Variants in CRELD2 observed in about 807,000 individuals in gnomAD.
CRELD2 encodes CRELD disulfide isomerase 2, also known as protein disulfide isomerase CRELD2.
Under a neutral mutation model 48.1 loss-of-function variants are expected in CRELD2, and 33 were observed. The observed-to-expected ratio is 0.69, with a 90% CI of 0.52 to 0.92. The LOEUF (loss-of-function observed/expected upper bound fraction) is 0.92, where lower values mean the gene tolerates loss of function less well. Ranked by LOEUF, CRELD2 falls within the 40% of genes least tolerant of loss-of-function variation. The pLI is 0.00. For synonymous variants in CRELD2, 220 were observed against 203.9 expected (o/e 1.08, Z -0.67); for missense variants, 477 against 482.4 (o/e 0.99, Z 0.10).
At chr22:49,922,909 A>AGG (rs2060714869) in intron 6 of CRELD2, among the ~76,000 whole-genome samples, 3 of 20,362 alleles carry the variant, frequency 1.5e-4, no homozygotes, top group African/African-American at 4.4e-4. Context: ...GTGGGGCGTG[A>AGG]GGTGTGGGGG....
At chr22:49,923,652 C>T (rs557778955) in intron 7 of CRELD2, 7 of 445,632 alleles carry the variant, frequency 1.6e-5, no homozygotes, top group South Asian at 6.4e-5. Context: ...TTGTTGCGAA[C>T]GTCTCTGCGT....
intron 9 of CRELD2, chr22:49,925,790 G>A: frequency 1.5e-6 from 2 of 1,350,366 alleles, no homozygotes; most frequent in East Asian, 2.8e-5. Flanking sequence ...TTCAGGCGAT[G>A]AAGGGGGAAG....
At chr22:49,921,564 A>C in intron 4 of CRELD2, 21 bp from the exon 5 acceptor site, 1 of 1,607,946 alleles carries the variant, frequency 6.2e-7, no homozygotes, top group Non-Finnish European at 8.5e-7. Flanking sequence ...TGCTCTGAGC[A>C]TGGTTTTGTG....
At chr22:49,925,677 G>A (rs746434579) in intron 9 of CRELD2, 120 bp downstream of exon 9, 23 of 1,536,080 alleles carry the variant, frequency 1.5e-5, no homozygotes, top group Non-Finnish European at 1.9e-5. Context: ...GTGAGAGGGG[G>A]ATTCCCGGAA....
At chr22:49,925,106 G>A (rs894104367) in intron 8 of CRELD2, 3 of 203,048 alleles carry the variant, frequency 1.5e-5, no homozygotes, top group Non-Finnish European at 3.0e-5. Flanking sequence ...ACTCCAGCCT[G>A]GGCGACAGAG....
At position 49,922,299 on chromosome 22, in the gene CRELD2, A is replaced by G. The variant is rs770722358; in HGVS notation, c.593-313A>G. The G allele has an allele frequency of 4.9e-6, 6 of 1,221,074 alleles. No individual in the cohort carries two copies. In the African/African-American group the frequency reaches 1.5e-4, roughly 31 times the overall value. The allele number at this position is 1,221,074 out of a possible 1,614,324, so 75.6% of individuals were successfully genotyped here. A position where few individuals can be genotyped will look rare whatever the true frequency, so the allele number is the denominator to read the frequency against. ...CCGATTCTTACGCCCCTCAGCAGTC[A>G]GGACCGGCCTCTCCGATTCTTACCC... On this transcript the variant is annotated intron_variant, in intron 5 of 9. Coordinates refer to ENST00000328268, the MANE Select transcript of CRELD2 (RefSeq NM_024324.5).
chr22:49,926,477 A>T (rs1334750107), intron 9 of CRELD2: 1 of 152,310 alleles, frequency 6.6e-6, no homozygotes, highest in Non-Finnish European at 1.5e-5. Flanking sequence ...TTCCACATCT[A>T]GAAGCATCGT....
At chr22:49,921,847 G>A in intron 5 of CRELD2, 86 bp downstream of exon 5, 1 of 1,385,654 alleles carries the variant, frequency 7.2e-7, no homozygotes, top group East Asian at 2.3e-5. Flanking sequence ...ATGGGAACAG[G>A]GGCCTGTTGA....
chr22:49,919,396 G>A (rs2060653115), intron 2 of CRELD2, 84 bp downstream of exon 2: 2 of 1,261,362 alleles, frequency 1.6e-6, no homozygotes, highest in Admixed American at 3.6e-5. Context: ...CTGTGTTAAT[G>A]ACAGGGAGAC....
chr22:49,921,736 G>C lies in CRELD2; in HGVS notation c.567G>C (p.Arg189=), dbSNP rs1172592448. 6.2e-7 allele frequency: 1 copy of C among 1,612,334 alleles called. No homozygotes were observed. Among genetic ancestry groups the C allele is most frequent in the East Asian group, 2.2e-5 (1 of 44,862 alleles). ...TGGACGGCTACTTCAGCTCGCTCCG[G>C]AACGAGACCCACAGCATCTGCACAG... is the stretch of plus-strand genomic sequence containing the variant. ...DCMDGYFSSL[R]NETHSICTAC... The change falls in exon 5 of 10, where the codon CGG becomes CGC. Residue 189 remains arginine (R), a synonymous_variant. Transcript: ENST00000328268.
intron 9 of CRELD2, chr22:49,925,923 C>T (rs771963329): frequency 1.5e-5 from 4 of 268,988 alleles, no homozygotes; most frequent in Non-Finnish European, 2.7e-5. Context: ...CAGGGACAGG[C>T]AGGAAGTGGT....
chr22:49,925,170 G>A (rs1354897993), intron 8 of CRELD2: 2 of 363,480 alleles, frequency 5.5e-6, no homozygotes, highest in East Asian at 4.6e-5. Flanking sequence ...GGCTTCCTGG[G>A]CGCATGCTGG....
intron 1 of CRELD2, 59 bp from the exon 2 acceptor site, chr22:49,919,171 C>T (rs574195476): frequency 4.8e-6 from 7 of 1,471,406 alleles, no homozygotes; most frequent in South Asian, 2.4e-5. Context: ...CCTGGGCTCG[C>T]CCCCACCCTG....
chr22:49,922,804 G>A (rs1300966508), intron 6 of CRELD2, 97 bp downstream of exon 6: 3 of 121,058 alleles, frequency 2.5e-5, no homozygotes, highest in South Asian at 2.2e-4. Flanking sequence ...GCATGGGGGC[G>A]GGAGGCAGGG....
In CRELD2 at chr22:49,918,811, T is replaced by TCTGCTG. The variant is rs778994692; in HGVS notation, c.50_55dup (p.Leu17_Leu18dup). 4.5e-6 allele frequency: 6 copies of TCTGCTG among 1,330,910 alleles called. No homozygotes were observed. Among genetic ancestry groups the TCTGCTG allele is most frequent in the Non-Finnish European group, 5.7e-6 (6 of 1,044,700 alleles). The allele number at this position is 1,330,910 out of a possible 1,614,324, so 82.4% of individuals were successfully genotyped here. A position where few individuals can be genotyped will look rare whatever the true frequency, so the allele number is the denominator to read the frequency against. ...GGGCCGCGCTGGGGCTCCTGCCGCT[T>TCTGCTG]CTGCTGCTGCTGCCGCCCGCGCCGG... On this transcript the variant is annotated inframe_insertion, in exon 1 of 10. Coordinates refer to ENST00000328268, the MANE Select transcript of CRELD2 (RefSeq NM_024324.5).
chr22:49,918,734 G>A lies in CRELD2; in HGVS notation c.-36G>A, dbSNP rs9616381. On this transcript the variant is annotated 5_prime_UTR_variant, in exon 1 of 10. Transcript: ENST00000328268. ...CGGAGCAGCACGGCCGCAGGACCTG[G>A]AGCTCCGGCTGCGTCTTCCCGCAGC... 0.2 allele frequency: 170,858 copies of A among 849,870 alleles called. 18,678 individuals are homozygous for A. The highest frequency in any genetic ancestry group is 0.35 in the South Asian group (8,579 of 24,536). 52.6% of individuals were successfully genotyped at this position (849,870 alleles called of 1,614,324 possible). A position where few individuals can be genotyped will look rare whatever the true frequency, so the allele number is the denominator to read the frequency against.
At position 49,921,403 on chromosome 22, in the gene CRELD2, G is replaced by C. The variant is rs889364533; in HGVS notation, c.416-182G>C. 51 of 643,040 alleles carry C rather than the reference G, an allele frequency of 7.9e-5. 1 individual carries two copies. In the Admixed American group the frequency reaches 1.5e-3, roughly 19 times the overall value. 39.8% of individuals were successfully genotyped at this position (643,040 alleles called of 1,614,324 possible). Reference sequence around the variant, plus strand: ...AGCCTGTGGCTTGCTCCACTCAGGCGATCCACCGCCAGCCCTGCAGACCCA... The same window carrying C: ...AGCCTGTGGCTTGCTCCACTCAGGCCATCCACCGCCAGCCCTGCAGACCCA... On this transcript the variant is annotated intron_variant, in intron 4 of 9. Transcript: ENST00000328268.
In CRELD2 at chr22:49,925,454, G is replaced by A. The variant is rs185226570; in HGVS notation, c.906G>A (p.Val302=). ...DECSLAEKTC[V]RKNENCYNTP... ...GCTCACTAGCAGAAAAAACCTGTGTGAGGAAAAACGAAAACTGCTACAATA... is the reference window on the plus strand; with the variant it reads ...GCTCACTAGCAGAAAAAACCTGTGTAAGGAAAAACGAAAACTGCTACAATA... Residue 302 remains valine, a synonymous_variant, in exon 9 of 10, where the codon GTG becomes GTA. Transcript: ENST00000328268. 5.0e-6 allele frequency: 8 copies of A among 1,613,620 alleles called. No homozygotes were observed. The African/African-American group carries it at 1.1e-4, about 21-fold the overall frequency.
chr22:49,924,121 C>T (rs2060731876), intron 7 of CRELD2: 2 of 406,842 alleles, frequency 4.9e-6, no homozygotes, highest in Non-Finnish European at 9.0e-6. Context: ...CACCCAGTTT[C>T]TCCCAAAGAG....
Sources: gnomAD v4.1 joint callset for allele counts (sites outside exome capture counted in the v4.1 genomes callset) on GRCh38, gnomAD v4.1.1 for gene constraint, MANE v1.5 for transcripts, NCBI Gene and HGNC (gene_info 2026-07-23, HGNC 2026-07-21) for gene names.